DIP2C: variants seen among roughly 807,000 people sequenced by gnomAD.
DIP2C encodes DIP2 acetate--CoA ligase C (putative).
DIP2C carries 33 observed loss-of-function variants against 192.4 expected under a neutral mutation model. That is an observed-to-expected ratio of 0.17 (90% CI 0.13 to 0.23). The LOEUF (loss-of-function observed/expected upper bound fraction) is 0.23. Among genes scored for constraint, DIP2C ranks in the 10% least tolerant of loss-of-function variants. DIP2C has a pLI of 1.00. For synonymous variants in DIP2C, 979 were observed against 864.1 expected (o/e 1.13, Z -2.33); for missense variants, 1,537 against 2,110.1 (o/e 0.73, Z 5.32).
At chr10:662,134 T>C (rs1226563666) in intron 1 of DIP2C, 1 of 717,344 alleles carries the variant, frequency 1.4e-6, no homozygotes. Context: ...GACTTCCACA[T>C]TCTGACCCCA....
chr10:324,588 A>G (rs765643214), intron 31 of DIP2C: 1 of 180,890 alleles, frequency 5.5e-6, no homozygotes, highest in Non-Finnish European at 1.2e-5. Flanking sequence ...AACATGGACA[A>G]AAATGCTTAA....
intron 1 of DIP2C, among the ~76,000 whole-genome samples, chr10:518,178 C>T (rs906443579): frequency 1.3e-5 from 2 of 152,232 alleles, no homozygotes; most frequent in Non-Finnish European, 2.9e-5. Flanking sequence ...TGCTGACCAC[C>T]CCAAGGTCAT....
At position 651,087 on chromosome 10, in the gene DIP2C, C is replaced by T. The variant is rs973776584; in HGVS notation, c.85+38407G>A. ...CCCTCCTGCTCTTGTCTCTCCCACA[C>T]CTCCCAAACTCTCTCCTGGCCAGCT... On this transcript the variant is annotated intron_variant, in intron 1 of 36. Coordinates refer to ENST00000280886, the MANE Select transcript of DIP2C (RefSeq NM_014974.3). This position sits in a 1 kb window ranked among gnomAD's most constrained non-coding sequence, Gnocchi z 4.1. 8.4e-6 allele frequency: 6 copies of T among 717,414 alleles called. No homozygotes were observed. The African/African-American group carries it at 1.0e-4, about 13-fold the overall frequency. The allele number at this position is 717,414 out of a possible 1,614,324, so 44.4% of individuals were successfully genotyped here.
chr10:526,634 C>T (rs569590494), intron 1 of DIP2C, among the ~76,000 whole-genome samples: 3 of 152,148 alleles, frequency 2.0e-5, no homozygotes, highest in Admixed American at 1.3e-4. Flanking sequence ...GATGGCAGCA[C>T]GTGAAGGATC....
chr10:318,721 T>C (rs1018073412), intron 31 of DIP2C, among the ~76,000 whole-genome samples: 1 of 152,146 alleles, frequency 6.6e-6, no homozygotes, highest in African/African-American at 2.4e-5. Flanking sequence ...GGGCATAAAG[T>C]TCCTGCTGAC....
rs192063917 is a variant in DIP2C at position 374,284 on chromosome 10, T to C, written c.1992-4651A>G. Reference sequence around the variant, plus strand: ...AAAATGGAGCATCACAAAGCACATATACTTAAATTTTTAAGAAGACCTAAA... The same window carrying C: ...AAAATGGAGCATCACAAAGCACATACACTTAAATTTTTAAGAAGACCTAAA... On this transcript the variant is annotated intron_variant, in intron 17 of 36. Transcript: ENST00000280886. Among the ~76,000 whole-genome samples, 22 of 152,318 alleles carry C rather than the reference T, an allele frequency of 1.4e-4. No individual in the cohort carries two copies. The East Asian group carries it at 3.9e-3, about 27-fold the overall frequency.
At chr10:359,718 G>A (rs1370463613) in intron 22 of DIP2C, among the ~76,000 whole-genome samples, 1 of 152,120 alleles carries the variant, frequency 6.6e-6, no homozygotes, top group Non-Finnish European at 1.5e-5. Flanking sequence ...ACAACACCCG[G>A]GAGACCCTCA....
chr10:349,582 C>G, intron 24 of DIP2C, 128 bp from the exon 25 acceptor site: 4 of 1,296,516 alleles, frequency 3.1e-6, no homozygotes, highest in Non-Finnish European at 4.2e-6. Context: ...AAGCACAGAC[C>G]TGTGCAACCA....
chr10:443,010 T>C (rs1967871805), intron 3 of DIP2C, among the ~76,000 whole-genome samples: 1 of 152,228 alleles, frequency 6.6e-6, no homozygotes, highest in African/African-American at 2.4e-5. Context: ...TTTATTTTGG[T>C]ATCTTCCGGA....
intron 1 of DIP2C, among the ~76,000 whole-genome samples, chr10:681,575 A>G (rs1214956781): frequency 6.6e-6 from 1 of 151,870 alleles, no homozygotes; most frequent in Non-Finnish European, 1.5e-5. Context: ...GGCCACGGAA[A>G]TTCCAGGGAA....
intron 5 of DIP2C, among the ~76,000 whole-genome samples, chr10:419,700 G>C (rs535625186): frequency 5.9e-5 from 9 of 152,222 alleles, no homozygotes; most frequent in African/African-American, 2.2e-4. Context: ...TGGATTATGT[G>C]AGTTAACACG....
intron 1 of DIP2C, among the ~76,000 whole-genome samples, chr10:647,217 T>C: frequency 6.6e-6 from 1 of 151,554 alleles, no homozygotes; most frequent in Non-Finnish European, 1.5e-5. Flanking sequence ...CACGTCCACA[T>C]TTCACAGTGG....
chr10:570,272 G>A (rs1194874227), intron 1 of DIP2C, among the ~76,000 whole-genome samples: 2 of 152,130 alleles, frequency 1.3e-5, no homozygotes, highest in African/African-American at 2.4e-5. Flanking sequence ...AGTGTCACAA[G>A]GTGGATTTTG....
intron 1 of DIP2C, among the ~76,000 whole-genome samples, chr10:655,921 CTA>C (rs1415071543): frequency 6.7e-6 from 1 of 150,058 alleles, no homozygotes; most frequent in Non-Finnish European, 1.5e-5. Flanking sequence ...GTATACTATA[CTA>C]TATGTTACAC....
intron 1 of DIP2C, among the ~76,000 whole-genome samples, chr10:569,151 A>G (rs919817888): frequency 3.3e-5 from 5 of 152,226 alleles, no homozygotes; most frequent in African/African-American, 1.2e-4. Context: ...TACACTTCAA[A>G]GTTTTAACAA....
At chr10:676,941 G>T (rs192107072) in intron 1 of DIP2C, among the ~76,000 whole-genome samples, 53 of 152,294 alleles carry the variant, frequency 3.5e-4, no homozygotes, top group Non-Finnish European at 5.9e-5. Context: ...GGATTTTGAA[G>T]ATTCCCACCA....
rs750158543 is a variant in DIP2C, at chr10:389,971, G to A, written c.1597+20C>T. ...CCGGTTAGAACCAGGGTCCCAAGGA[G>A]TCAGGGTCTGGCACCCCACCTTCCG... On this transcript the variant is annotated intron_variant, in intron 13 of 36. Transcript: ENST00000280886. 6.2e-7 allele frequency: 1 copy of A among 1,600,768 alleles called. No homozygotes were observed. The highest frequency in any genetic ancestry group is 8.5e-7 in the Non-Finnish European group (1 of 1,171,452).
chr10:292,488 G>A (rs907391452), intron 32 of DIP2C, among the ~76,000 whole-genome samples: 2 of 152,196 alleles, frequency 1.3e-5, no homozygotes, highest in African/African-American at 4.8e-5. Context: ...TTGACATGAG[G>A]GAACTTGCTA....
chr10:392,275 G>A (rs1963526311), intron 10 of DIP2C, among the ~76,000 whole-genome samples: 1 of 152,210 alleles, frequency 6.6e-6, no homozygotes. Flanking sequence ...GCCGGGCCGA[G>A]GCAGGAGAAC....
Sources: gnomAD v4.1 joint callset for allele counts (sites outside exome capture counted in the v4.1 genomes callset) on GRCh38, gnomAD v4.1.1 for gene constraint, Gnocchi (gnomAD v3.1) non-coding constraint, MANE v1.5 for transcripts, NCBI Gene and HGNC (gene_info 2026-07-23, HGNC 2026-07-21) for gene names.